The following SMARCA4 variants were observed in gnomAD, a reference collection of about 807,000 sequenced individuals.
The protein encoded by SMARCA4 is SWI/SNF related BAF chromatin remodeling complex subunit ATPase 4, also known as SWI/SNF-related matrix-associated actin-dependent regulator of chromatin subfamily A member 4.
Under a neutral mutation model 193.9 loss-of-function variants are expected in SMARCA4, and 31 were observed. The ratio of observed to expected loss-of-function variants is 0.16; its 90% confidence interval spans 0.12 to 0.22. SMARCA4 has a LOEUF of 0.22. Among genes scored for constraint, SMARCA4 ranks in the 10% least tolerant of loss-of-function variants. The pLI, the probability that SMARCA4 is intolerant of heterozygous loss-of-function variation, is 1.00. For missense variants in SMARCA4, 1,148 were observed against 2,296.0 expected (o/e 0.50, Z 10.22); for synonymous variants, 942 against 933.1 (o/e 1.01, Z -0.17).
intron 13 of SMARCA4, among the ~76,000 whole-genome samples, chr19:11,003,634 C>T (rs936437977): frequency 2.0e-5 from 3 of 152,056 alleles, no homozygotes; most frequent in African/African-American, 4.8e-5. Context: ...AAATTTAAGA[C>T]TCATTTTCTC....
chr19:10,993,764 G>A (rs2145918653), intron 8 of SMARCA4, among the ~76,000 whole-genome samples: 1 of 152,030 alleles, frequency 6.6e-6, no homozygotes, highest in East Asian at 1.9e-4. Flanking sequence ...TTCTGCCTCG[G>A]CCTCCTGAGT....
At chr19:10,964,046 C>T (rs1309256755) in intron 1 of SMARCA4, among the ~76,000 whole-genome samples, 1 of 152,160 alleles carries the variant, frequency 6.6e-6, no homozygotes, top group Non-Finnish European at 1.5e-5. Context: ...AAATGTTGAT[C>T]GTGCAGGCTT....
chr19:11,012,866 G>A (rs2146272677), intron 15 of SMARCA4, 83 bp from the exon 16 acceptor site: 1 of 1,313,490 alleles, frequency 7.6e-7, no homozygotes, highest in South Asian at 1.2e-5. Flanking sequence ...GTGGCTGGCG[G>A]TGTCTTGACT....
At chr19:11,025,175 C>T (rs1190766387) in intron 21 of SMARCA4, among the ~76,000 whole-genome samples, 2 of 152,184 alleles carry the variant, frequency 1.3e-5, no homozygotes, top group African/African-American at 2.4e-5. Context: ...GTTTCCGTCC[C>T]GTCCTGCTGG....
chr19:10,986,123 G>C lies in SMARCA4; in HGVS notation c.356-66G>C. 7.5e-7 allele frequency: 1 copy of C among 1,333,868 alleles called. No individual in the cohort carries two copies. Among genetic ancestry groups the C allele is most frequent in the Non-Finnish European group, 1.1e-6 (1 of 926,982 alleles). 82.6% of individuals were successfully genotyped at this position (1,333,868 alleles called of 1,614,324 possible). A position where few individuals can be genotyped will look rare whatever the true frequency, so the allele number is the denominator to read the frequency against. ...TCTCAGAGTAGGAGCTGGTGTAGGG[G>C]GAAGAGGCTGTAAAAATCACAGACA... On this transcript the variant is annotated intron_variant, in intron 3 of 34. Transcript: ENST00000344626. This position sits in a 1 kb window ranked among gnomAD's most constrained non-coding sequence, Gnocchi z 6.7.
intron 9 of SMARCA4, 121 bp downstream of exon 9, chr19:10,995,122 G>C (rs1198007285): frequency 1.4e-5 from 13 of 924,864 alleles, no homozygotes; most frequent in Non-Finnish European, 1.7e-5. Flanking sequence ...AGGTGGGACA[G>C]AGGGAAAAGA....
chr19:11,019,537 C>A lies in SMARCA4; in HGVS notation c.2506-54C>A. On this transcript the variant is annotated intron_variant, in intron 17 of 34. Transcript: ENST00000344626. This position sits in a 1 kb window ranked among gnomAD's most constrained non-coding sequence, Gnocchi z 6.1. ...GCAGGGGGTGCCTGTGCCCCTCTTG[C>A]CACCTGGCCACCCGGCTCCAAAAGC... The A allele has an allele frequency of 8.2e-7, 1 of 1,219,388 alleles. No individual in the cohort carries two copies. Among genetic ancestry groups the A allele is most frequent in the Non-Finnish European group, 1.2e-6 (1 of 840,728 alleles). 75.5% of individuals were successfully genotyped at this position (1,219,388 alleles called of 1,614,324 possible). A position where few individuals can be genotyped will look rare whatever the true frequency, so the allele number is the denominator to read the frequency against.
At chr19:11,007,429 CAAAAAAAAAA>C (rs1188457080) in intron 13 of SMARCA4, among the ~76,000 whole-genome samples, 1 of 56,164 alleles carries the variant, frequency 1.8e-5, no homozygotes, top group Non-Finnish European at 3.7e-5. Flanking sequence ...CACTTCGTCT[CAAAAAAAAAA>C]AAAAAAAAAA....
intron 13 of SMARCA4, among the ~76,000 whole-genome samples, chr19:11,007,086 C>T (rs1451711452): frequency 1.3e-5 from 2 of 151,400 alleles, no homozygotes; most frequent in Non-Finnish European, 2.9e-5. Context: ...GACCCCATCT[C>T]AACAATAACA....
intron 22 of SMARCA4, among the ~76,000 whole-genome samples, chr19:11,025,851 C>T (rs1344858412): frequency 6.6e-6 from 1 of 152,202 alleles, no homozygotes; most frequent in East Asian, 1.9e-4. Flanking sequence ...CAAGAGTCAC[C>T]ACCGTCTTCA....
intron 30 of SMARCA4, among the ~76,000 whole-genome samples, chr19:11,047,096 G>A (rs904183549): frequency 6.6e-6 from 1 of 152,084 alleles, no homozygotes; most frequent in African/African-American, 2.4e-5. Context: ...ACAAACTCAG[G>A]GTCCACAGGG....
At chr19:10,967,545 C>A (rs1239207965) in intron 1 of SMARCA4, among the ~76,000 whole-genome samples, 1 of 151,664 alleles carries the variant, frequency 6.6e-6, no homozygotes, top group East Asian at 2.0e-4. Context: ...CTCCTGACCT[C>A]GTTATCCGTC....
chr19:11,055,054 C>A (rs183976847), intron 30 of SMARCA4, among the ~76,000 whole-genome samples: 1 of 152,286 alleles, frequency 6.6e-6, no homozygotes, highest in African/African-American at 2.4e-5. Flanking sequence ...GCAGGGAAGC[C>A]TGAGGACAGG....
At chr19:10,963,619 A>G (rs2145398529) in intron 1 of SMARCA4, among the ~76,000 whole-genome samples, 1 of 152,188 alleles carries the variant, frequency 6.6e-6, no homozygotes, top group East Asian at 1.9e-4. Flanking sequence ...GCTTAACCTC[A>G]AGCGAGGCGC....
At position 10,985,072 on chromosome 19, in the gene SMARCA4, G is replaced by T. The variant is rs570644660; in HGVS notation, c.223-201G>T. On this transcript the variant is annotated intron_variant, in intron 2 of 34. Transcript: ENST00000344626. The surrounding 1 kb of genome is among the most constrained non-coding windows in gnomAD (Gnocchi z 4.5). ...CCCATATGCTCGTGCTCCACTGGGC[G>T]ACATTTATTTTGTGTACCTGTCTCG... 1.3e-5 allele frequency among the ~76,000 whole-genome samples: 2 copies of T among 152,076 alleles called. No individual in the cohort carries two copies. Among genetic ancestry groups the T allele is most frequent in the African/African-American group, 4.8e-5 (2 of 41,402 alleles).
chr19:10,988,073 C>G, intron 6 of SMARCA4, 149 bp downstream of exon 6: 2 of 740,266 alleles, frequency 2.7e-6, no homozygotes, highest in Non-Finnish European at 4.5e-6. Context: ...CACCTCCCTG[C>G]TCCCACCCTG....
intron 15 of SMARCA4, chr19:11,012,075 A>C (rs1460635624): frequency 2.0e-5 from 3 of 152,174 alleles, no homozygotes; most frequent in African/African-American, 7.2e-5. Flanking sequence ...CATGCAATTA[A>C]AATAATTAGA....
intron 14 of SMARCA4, chr19:11,008,361 T>C: frequency 2.8e-6 from 1 of 363,090 alleles, no homozygotes; most frequent in Non-Finnish European, 5.4e-6. Context: ...CTTCCAGAGA[T>C]GCTGTCTGCA....
At chr19:10,998,205 C>T (rs2087267778) in intron 11 of SMARCA4, among the ~76,000 whole-genome samples, 1 of 152,186 alleles carries the variant, frequency 6.6e-6, no homozygotes, top group South Asian at 2.1e-4. Context: ...CTATGTCATC[C>T]AGTGGCCCCG....
Sources: allele counts gnomAD v4.1 joint callset (sites outside exome capture counted in the v4.1 genomes callset), GRCh38; gene constraint gnomAD v4.1.1; non-coding constraint Gnocchi (gnomAD v3.1); transcripts MANE v1.5; gene names NCBI Gene and HGNC (gene_info 2026-07-23, HGNC 2026-07-21).